The following GPR139 variants were observed in gnomAD, a reference collection of about 807,000 sequenced individuals.
GPR139 encodes the protein G protein-coupled receptor 139, also known as probable G protein-coupled receptor 139.
A neutral mutation model predicts 25.8 loss-of-function variants in GPR139; 12 were observed. The ratio of observed to expected loss-of-function variants is 0.47; its 90% CI spans 0.30 to 0.75. The LOEUF is 0.75. Among genes scored for constraint, GPR139 ranks in the 30% least tolerant of loss-of-function variants. GPR139 has a pLI of 0.07. For missense variants in GPR139, 380 were observed against 450.2 expected (o/e 0.84, Z 1.41); for synonymous variants, 184 against 179.9 (o/e 1.02, Z -0.18).
chr16:20,046,039 C>T (rs769388607), intron 1 of GPR139, among the ~76,000 whole-genome samples: 3 of 152,130 alleles, frequency 2.0e-5, no homozygotes, highest in Non-Finnish European at 4.4e-5. Context: ...CCTTGGTTGT[C>T]GCTGTTTGAT....
rs760421881 is a variant in GPR139 at position 20,073,642 on chromosome 16, G to A, written c.-26C>T. 6.5e-7 allele frequency: 1 copy of A among 1,545,412 alleles called. No individual in the cohort carries two copies. ...GAGCGCGCCCCTCGCTCCCCTTGCCGCTTCGCGCCCGGCCTGCCAGCCCGA... is the reference window on the plus strand; with the variant it reads ...GAGCGCGCCCCTCGCTCCCCTTGCCACTTCGCGCCCGGCCTGCCAGCCCGA... On this transcript the variant is annotated 5_prime_UTR_variant, in exon 1 of 2. Transcript: ENST00000570682. This position sits in a 1 kb window ranked among gnomAD's most constrained non-coding sequence, Gnocchi z 4.7.
At position 20,031,673 on chromosome 16, in the gene GPR139, A is replaced by G; in HGVS notation, c.*62T>C. 1 of 1,329,704 alleles carries G rather than the reference A, an allele frequency of 7.5e-7. No homozygotes were observed. Among genetic ancestry groups the G allele is most frequent in the South Asian group, 1.3e-5 (1 of 78,426 alleles). 82.4% of individuals were successfully genotyped at this position (1,329,704 alleles called of 1,614,324 possible). On this transcript the variant is annotated 3_prime_UTR_variant, in exon 2 of 2. Transcript: ENST00000570682. The stretch of plus-strand genomic sequence containing the variant: ...TTAAGGAGAGCTGCTCAGCCATAGG[A>G]TGGGACACCTTCCCATCTGGAAATG...
intron 1 of GPR139, among the ~76,000 whole-genome samples, chr16:20,067,052 C>A (rs570360027): frequency 6.6e-6 from 1 of 152,152 alleles, no homozygotes; most frequent in Non-Finnish European, 1.5e-5. Context: ...GTTATACCTG[C>A]GATCACACAG....
At position 20,031,243 on chromosome 16, in the gene GPR139, C is replaced by T. The variant is rs1191573447; in HGVS notation, c.*492G>A. 1.3e-5 allele frequency among the ~76,000 whole-genome samples: 2 copies of T among 151,980 alleles called. No individual in the cohort carries two copies. Among genetic ancestry groups the T allele is most frequent in the Non-Finnish European group, 2.9e-5 (2 of 68,006 alleles). On this transcript the variant is annotated 3_prime_UTR_variant, in exon 2 of 2. Transcript: ENST00000570682. ...CCACAACCCTCTCTAGGACAAAGGG[C>T]ACCTTGAAAAAAATCCTGAAATAGT...
At chr16:20,057,509 C>T (rs532182599) in intron 1 of GPR139, among the ~76,000 whole-genome samples, 7 of 151,276 alleles carry the variant, frequency 4.6e-5, no homozygotes, top group South Asian at 2.1e-4. Flanking sequence ...CCATCTATAC[C>T]ATCCATCCAT....
intron 1 of GPR139, among the ~76,000 whole-genome samples, chr16:20,054,161 T>A (rs2057381452): frequency 6.6e-6 from 1 of 152,168 alleles, no homozygotes; most frequent in Admixed American, 6.5e-5. Flanking sequence ...AGCATCTGAG[T>A]CTAGATGTCA....
intron 1 of GPR139, among the ~76,000 whole-genome samples, chr16:20,056,445 G>T (rs2057388682): frequency 6.6e-6 from 1 of 152,138 alleles, no homozygotes; most frequent in Non-Finnish European, 1.5e-5. Flanking sequence ...CATTTTGGAG[G>T]TCATTCCTGC....
chr16:20,042,458 CCTCTACCCTA>C (rs1301118538), intron 1 of GPR139, among the ~76,000 whole-genome samples: 1 of 152,152 alleles, frequency 6.6e-6, no homozygotes, highest in Non-Finnish European at 1.5e-5. Context: ...TTCTTCATTG[CCTCTACCCTA>C]AGCCCTCTAG....
Position 20,038,329 on chromosome 16 carries a change from A to ATGTGTGTGTG in GPR139, c.128-5670_128-5661dup, listed in dbSNP as rs1555465698. Among the ~76,000 whole-genome samples, 162 of 95,928 alleles carry ATGTGTGTGTG rather than the reference A, an allele frequency of 1.7e-3. 2 individuals are homozygous for ATGTGTGTGTG. The highest frequency in any genetic ancestry group is 9.6e-3 in the Middle Eastern group (2 of 208). 62.9% of individuals were successfully genotyped at this position (95,928 alleles called of 152,430 possible). Reference sequence around the variant, plus strand: ...GTTTAAGTTCCTGGATAATATATATATGTGTGTGTGTGTGTGTGTGTGTGT... The same window carrying ATGTGTGTGTG: ...GTTTAAGTTCCTGGATAATATATATATGTGTGTGTGTGTGTGTGTGTGTGTGTGTGTGTGT... On this transcript the variant is annotated intron_variant, in intron 1 of 1. Transcript: ENST00000570682.
Position 20,054,838 on chromosome 16 carries a change from G to A in GPR139, c.127+18652C>T, listed in dbSNP as rs143934293. ...GACCTCCCAGGTTCCAGTGATTCTC[G>A]TGCCTCTGCTTCCCAAGTAGCTGGG... is the stretch of plus-strand genomic sequence containing the variant. On this transcript the variant is annotated intron_variant, in intron 1 of 1. Transcript: ENST00000570682. Among the ~76,000 whole-genome samples, 499 of 151,948 alleles carry A rather than the reference G, an allele frequency of 3.3e-3. 5 individuals carry two copies. The highest frequency in any genetic ancestry group is 0.021 in the Middle Eastern group (6 of 290).
Position 20,031,784 on chromosome 16 carries a change from A to G in GPR139, c.1013T>C (p.Leu338Pro). 1 of 1,614,210 alleles carries G rather than the reference A, an allele frequency of 6.2e-7. No homozygotes were observed. Among genetic ancestry groups the G allele is most frequent in the Non-Finnish European group, 8.5e-7 (1 of 1,180,034 alleles). ...SPANSHCIKM[L>P]VYQYDKNGKP... ...TCCATTTTTGTCATACTGGTACACC[A>G]GCATCTTGATGCAGTGTGAGTTTGC... is the stretch of plus-strand genomic sequence containing the variant. The change falls in exon 2 of 2, where the codon CTG becomes CCG. Residue 338 changes from leucine to proline, a missense_variant. By Grantham distance (98) the Leu-to-Pro change is moderately conservative (BLOSUM62 -3). Coordinates refer to ENST00000570682, the MANE Select transcript of GPR139 (RefSeq NM_001002911.4).
intron 1 of GPR139, among the ~76,000 whole-genome samples, chr16:20,050,050 C>T (rs1362032898): frequency 6.6e-6 from 1 of 152,204 alleles, no homozygotes; most frequent in Non-Finnish European, 1.5e-5. Context: ...ACCTGAAGAA[C>T]CAGTTTCTGC....
At chr16:20,071,884 A>T (rs560952920) in intron 1 of GPR139, among the ~76,000 whole-genome samples, 1 of 152,164 alleles carries the variant, frequency 6.6e-6, no homozygotes, top group South Asian at 2.1e-4. Flanking sequence ...GTGAGTGGCT[A>T]TCTCACTCAG....
intron 1 of GPR139, among the ~76,000 whole-genome samples, chr16:20,065,523 G>A (rs537971426): frequency 2.4e-4 from 37 of 152,156 alleles, no homozygotes; most frequent in Admixed American, 2.4e-3. Context: ...GTGTCTCAAA[G>A]TTCTCACCTG....
chr16:20,047,770 T>C (rs572293259), intron 1 of GPR139, among the ~76,000 whole-genome samples: 31 of 152,284 alleles, frequency 2.0e-4, no homozygotes, highest in Non-Finnish European at 4.0e-4. Flanking sequence ...TGGAGCCAGA[T>C]TGCTGGGTTT....
intron 1 of GPR139, among the ~76,000 whole-genome samples, chr16:20,035,598 C>T (rs2608170): frequency 0.12 from 17,588 of 151,992 alleles, 1,825 homozygotes; most frequent in African/African-American, 0.27. Flanking sequence ...TGAAGAGCCA[C>T]GGAAGAAAAT....
In GPR139 at chr16:20,073,668, C is replaced by T; in HGVS notation, c.-52G>A. On this transcript the variant is annotated 5_prime_UTR_variant, in exon 1 of 2. Transcript: ENST00000570682. The surrounding 1 kb of genome is among the most constrained non-coding windows in gnomAD (Gnocchi z 4.7). ...CTTCGCGCCCGGCCTGCCAGCCCGA[C>T]TCTGGTCGCCGGCTCGGTGGTGGCG... 1 of 1,497,730 alleles carries T rather than the reference C, an allele frequency of 6.7e-7. No individual in the cohort carries two copies. Among genetic ancestry groups the T allele is most frequent in the Non-Finnish European group, 8.9e-7 (1 of 1,125,124 alleles). 92.8% of individuals were successfully genotyped at this position (1,497,730 alleles called of 1,614,324 possible). A position where few individuals can be genotyped will look rare whatever the true frequency, so the allele number is the denominator to read the frequency against.
chr16:20,033,806 T>C (rs2057300231), intron 1 of GPR139, among the ~76,000 whole-genome samples: 5 of 152,128 alleles, frequency 3.3e-5, no homozygotes, highest in Admixed American at 3.3e-4. Context: ...AAATAATCTA[T>C]GCTTATATAT....
chr16:20,062,257 T>C (rs2057416788), intron 1 of GPR139, among the ~76,000 whole-genome samples: 1 of 152,164 alleles, frequency 6.6e-6, no homozygotes, highest in South Asian at 2.1e-4. Flanking sequence ...AATGGGGTTT[T>C]TGGGAATTGA....
Sources: gnomAD v4.1 joint callset for allele counts (sites outside exome capture counted in the v4.1 genomes callset) on GRCh38, gnomAD v4.1.1 for gene constraint, Gnocchi (gnomAD v3.1) non-coding constraint, MANE v1.5 for transcripts, NCBI Gene and HGNC (gene_info 2026-07-23, HGNC 2026-07-21) for gene names.